CACNA1E: variants seen among roughly 807,000 people sequenced by gnomAD.
The protein encoded by CACNA1E is calcium voltage-gated channel subunit alpha1 E.
CACNA1E carries 40 observed loss-of-function variants against 259.2 expected under a neutral mutation model. The ratio of observed to expected loss-of-function variants is 0.15; its 90% CI spans 0.12 to 0.20. The LOEUF is 0.20. Among genes scored for constraint, CACNA1E ranks in the 10% least tolerant of loss-of-function variants. CACNA1E has a pLI of 1.00. For synonymous variants in CACNA1E, 1,104 were observed against 1,138.5 expected (o/e 0.97, Z 0.61); for missense variants, 1,874 against 3,040.1 (o/e 0.62, Z 9.02).
At chr1:181,514,703 C>T (rs771255264) in intron 3 of CACNA1E, among the ~76,000 whole-genome samples, 9 of 152,122 alleles carry the variant, frequency 5.9e-5, no homozygotes, top group African/African-American at 1.4e-4. Flanking sequence ...TCTCAGCTCT[C>T]GGTGCTGACA....
chr1:181,729,935 T>C (rs1192697452), intron 18 of CACNA1E, among the ~76,000 whole-genome samples: 1 of 152,236 alleles, frequency 6.6e-6, no homozygotes, highest in Non-Finnish European at 1.5e-5. Flanking sequence ...GCTTCTTGGC[T>C]CTCCCGCCCC....
chr1:181,390,861 A>G (rs1045373694), intron 1 of CACNA1E, among the ~76,000 whole-genome samples: 1 of 152,180 alleles, frequency 6.6e-6, no homozygotes, highest in Non-Finnish European at 1.5e-5. Context: ...TGTGATTACA[A>G]AGGAGGGAGA....
chr1:181,586,320 T>C lies in CACNA1E; in HGVS notation c.951+5544T>C, dbSNP rs560140978. Among the ~76,000 whole-genome samples the C allele has an allele frequency of 1.2e-4, 19 of 152,220 alleles. No individual in the cohort carries two copies. In the South Asian group the frequency reaches 3.9e-3, roughly 32 times the overall value. On this transcript the variant is annotated intron_variant, in intron 6 of 47. Transcript: ENST00000367573. ...TAGTATAGGGAAGGGGGTGAATAAA[T>C]GAGTTCATGGTAGAAGGCTTGGCTG...
intron 43 of CACNA1E, among the ~76,000 whole-genome samples, chr1:181,789,422 T>C (rs1267602623): frequency 6.6e-6 from 1 of 152,158 alleles, no homozygotes; most frequent in Admixed American, 6.5e-5. Flanking sequence ...CAATCCTTGC[T>C]CATGCCTTGA....
chr1:181,691,095 G>A (rs1651106223), intron 7 of CACNA1E, among the ~76,000 whole-genome samples: 1 of 151,736 alleles, frequency 6.6e-6, no homozygotes, highest in African/African-American at 2.4e-5. Flanking sequence ...CTCATTTTAT[G>A]AAACTCTGAC....
intron 2 of CACNA1E, among the ~76,000 whole-genome samples, chr1:181,436,933 C>T (rs1417414522): frequency 6.6e-6 from 1 of 152,012 alleles, no homozygotes; most frequent in East Asian, 1.9e-4. Flanking sequence ...GTAAAATCTA[C>T]AATTTAAATA....
intron 2 of CACNA1E, among the ~76,000 whole-genome samples, chr1:181,435,541 C>A (rs1283421558): frequency 6.6e-6 from 1 of 151,954 alleles, no homozygotes; most frequent in East Asian, 1.9e-4. Context: ...TTTATTAATC[C>A]TTCAGGTCTG....
chr1:181,522,803 C>T (rs781765591), intron 3 of CACNA1E, among the ~76,000 whole-genome samples: 7 of 152,210 alleles, frequency 4.6e-5, no homozygotes. Flanking sequence ...CACATATGGA[C>T]TCTGGTGATA....
chr1:181,645,126 T>C (rs1286067378), intron 6 of CACNA1E, among the ~76,000 whole-genome samples: 1 of 152,156 alleles, frequency 6.6e-6, no homozygotes, highest in African/African-American at 2.4e-5. Context: ...CCTGGGTGGC[T>C]GATTCCTGTG....
chr1:181,531,564 A>AAACC (rs1158295403), intron 3 of CACNA1E, among the ~76,000 whole-genome samples: 5 of 152,234 alleles, frequency 3.3e-5, no homozygotes. Flanking sequence ...GGAGCTGGGC[A>AAACC]GGGCGGGAGG....
intron 1 of CACNA1E, among the ~76,000 whole-genome samples, chr1:181,489,839 C>T (rs2102500020): frequency 6.6e-6 from 1 of 152,326 alleles, no homozygotes; most frequent in East Asian, 1.9e-4. Flanking sequence ...GCCACCACTA[C>T]CACCACCACG....
chr1:181,450,655 A>T (rs1395897086), intron 2 of CACNA1E, among the ~76,000 whole-genome samples: 1 of 152,156 alleles, frequency 6.6e-6, no homozygotes, highest in Non-Finnish European at 1.5e-5. Flanking sequence ...GAACTAAAAA[A>T]CGAGATAATA....
chr1:181,757,924 T>C (rs756287135), intron 30 of CACNA1E, 23 bp from the exon 31 acceptor site: 7 of 1,612,226 alleles, frequency 4.3e-6, no homozygotes, highest in Non-Finnish European at 5.1e-6. Flanking sequence ...GAATTTGTGC[T>C]AATAACCATG....
intron 1 of CACNA1E, among the ~76,000 whole-genome samples, chr1:181,332,385 G>GA (rs1651353860): frequency 2.6e-5 from 4 of 151,264 alleles, no homozygotes; most frequent in East Asian, 1.9e-4. Context: ...ATAAAAGTTG[G>GA]AAAAAAAAGA....
intron 25 of CACNA1E, among the ~76,000 whole-genome samples, chr1:181,749,240 A>G (rs1181003709): frequency 1.3e-5 from 2 of 152,246 alleles, no homozygotes; most frequent in Non-Finnish European, 2.9e-5. Context: ...ATGTCCAACT[A>G]AGAACCAAAG....
chr1:181,690,895 T>C (rs1651086220), intron 7 of CACNA1E, among the ~76,000 whole-genome samples: 1 of 152,108 alleles, frequency 6.6e-6, no homozygotes, highest in South Asian at 2.1e-4. Context: ...CTTCTTTAAA[T>C]TTCTTAGGCT....
chr1:181,589,773 T>A (rs1388458944), intron 6 of CACNA1E, among the ~76,000 whole-genome samples: 1 of 152,142 alleles, frequency 6.6e-6, no homozygotes. Context: ...TGTAGAAATG[T>A]GAAAGCTGGT....
intron 6 of CACNA1E, among the ~76,000 whole-genome samples, chr1:181,630,372 T>A (rs1324804108): frequency 1.3e-5 from 2 of 151,028 alleles, no homozygotes; most frequent in Non-Finnish European, 1.5e-5. Flanking sequence ...GACAAAGCAG[T>A]GTAATTAACA....
At chr1:181,443,666 G>A (rs1660637745) in intron 2 of CACNA1E, among the ~76,000 whole-genome samples, 1 of 152,198 alleles carries the variant, frequency 6.6e-6, no homozygotes, top group East Asian at 1.9e-4. Flanking sequence ...ACTGTGTAAG[G>A]CAGGGCTTCT....
Sources: gnomAD v4.1 joint callset for allele counts (sites outside exome capture counted in the v4.1 genomes callset) on GRCh38, gnomAD v4.1.1 for gene constraint, MANE v1.5 for transcripts, NCBI Gene and HGNC (gene_info 2026-07-23, HGNC 2026-07-21) for gene names.